PYM1: variants seen among roughly 807,000 people sequenced by gnomAD.
PYM1 encodes partner of Y14 and mago.
PYM1 carries 7 observed loss-of-function variants against 20.7 expected under a neutral mutation model. The ratio of observed to expected loss-of-function variants is 0.34; its 90% CI spans 0.19 to 0.64. The LOEUF is 0.64. Ranked by LOEUF, PYM1 falls within the 30% of genes least tolerant of loss-of-function variation. PYM1 has a pLI of 0.74. For synonymous variants in PYM1, 100 were observed against 99.2 expected (o/e 1.01, Z -0.05); for missense variants, 194 against 250.0 (o/e 0.78, Z 1.51).
intron 1 of PYM1, among the ~76,000 whole-genome samples, chr12:55,904,669 G>T (rs1350565936): frequency 2.0e-5 from 3 of 150,748 alleles, no homozygotes; most frequent in Non-Finnish European, 2.9e-5. Context: ...CCATCAAGTG[G>T]AGTTCGAGAC....
chr12:55,921,378 C>T (rs1565718411), intron 1 of PYM1, among the ~76,000 whole-genome samples: 1 of 151,878 alleles, frequency 6.6e-6, no homozygotes, highest in Non-Finnish European at 1.5e-5. Flanking sequence ...ATTCCCAAGG[C>T]TATATAGCTA....
chr12:55,904,987 A>ATATTTATTTATATTTATTTATT (rs1882767330), intron 1 of PYM1, among the ~76,000 whole-genome samples: 1 of 151,408 alleles, frequency 6.6e-6, no homozygotes, highest in Non-Finnish European at 1.5e-5. Context: ...TCATTATACA[A>ATATTTATTTATATTTATTTATT]TATTTATTTA....
At chr12:55,927,518 C>T in intron 1 of PYM1, 1 of 694,768 alleles carries the variant, frequency 1.4e-6, no homozygotes. Flanking sequence ...GCACCCAGAT[C>T]TCAGAGCGGC....
intron 1 of PYM1, 125 bp downstream of exon 1, chr12:55,927,600 C>T: frequency 7.9e-7 from 1 of 1,261,104 alleles, no homozygotes; most frequent in Non-Finnish European, 1.1e-6. Flanking sequence ...CGGTTGGAGA[C>T]CCTATCTAAC....
chr12:55,925,401 T>C (rs936255681), intron 1 of PYM1, among the ~76,000 whole-genome samples: 1 of 152,198 alleles, frequency 6.6e-6, no homozygotes, highest in Non-Finnish European at 1.5e-5. Flanking sequence ...AGCGGTGTCC[T>C]AGATGAGATC....
At chr12:55,904,971 T>C (rs1882766871) in intron 1 of PYM1, among the ~76,000 whole-genome samples, 1 of 151,942 alleles carries the variant, frequency 6.6e-6, no homozygotes, top group Non-Finnish European at 1.5e-5. Context: ...TTTTATAATA[T>C]GCATATCATT....
At chr12:55,926,546 C>T (rs777795364) in intron 1 of PYM1, among the ~76,000 whole-genome samples, 1 of 152,170 alleles carries the variant, frequency 6.6e-6, no homozygotes, top group Admixed American at 6.5e-5. Flanking sequence ...GTATTAGGGT[C>T]CTCTTCCCTT....
chr12:55,918,653 A>C (rs1883048712), intron 1 of PYM1, among the ~76,000 whole-genome samples: 2 of 152,118 alleles, frequency 1.3e-5, no homozygotes, highest in Non-Finnish European at 2.9e-5. Context: ...GGATCACCTG[A>C]GGTCAGGAGT....
intron 1 of PYM1, among the ~76,000 whole-genome samples, chr12:55,912,945 C>T (rs1262700298): frequency 1.3e-5 from 2 of 150,336 alleles, no homozygotes; most frequent in Non-Finnish European, 3.0e-5. Context: ...GCCTGGGCAA[C>T]AAGAGCAAAA....
intron 1 of PYM1, among the ~76,000 whole-genome samples, chr12:55,918,364 T>C (rs541120700): frequency 1.1e-4 from 17 of 152,168 alleles, no homozygotes; most frequent in African/African-American, 4.1e-4. Flanking sequence ...CCTCCCAAAG[T>C]GCTGGGATTA....
At position 55,901,658 on chromosome 12, in the gene PYM1, G is replaced by A; in HGVS notation, c.*214C>T. On this transcript the variant is annotated 3_prime_UTR_variant, in exon 3 of 3. Transcript: ENST00000408946. Reference sequence around the variant, plus strand: ...GTAGTCACTGAGATTTTGAACACTGGGAATGGGAGGGGGAAAGTCCAAAAA... The same window carrying A: ...GTAGTCACTGAGATTTTGAACACTGAGAATGGGAGGGGGAAAGTCCAAAAA... 1 of 609,166 alleles carries A rather than the reference G, an allele frequency of 1.6e-6. No individual in the cohort carries two copies. The highest frequency in any genetic ancestry group is 3.0e-5 in the East Asian group (1 of 33,638). The allele number at this position is 609,166 out of a possible 1,614,324, so 37.7% of individuals were successfully genotyped here.
chr12:55,916,888 A>G (rs764013363), intron 1 of PYM1, among the ~76,000 whole-genome samples: 1 of 152,068 alleles, frequency 6.6e-6, no homozygotes, highest in Non-Finnish European at 1.5e-5. Flanking sequence ...AGGCAGGCAG[A>G]TCGCTTGCAT....
chr12:55,926,419 C>T (rs1243428445), intron 1 of PYM1, among the ~76,000 whole-genome samples: 1 of 152,182 alleles, frequency 6.6e-6, no homozygotes, highest in Admixed American at 6.5e-5. Flanking sequence ...CGGAGAAAAG[C>T]CACTAGATAC....
intron 1 of PYM1, among the ~76,000 whole-genome samples, chr12:55,910,747 T>C (rs938887341): frequency 6.6e-6 from 1 of 152,154 alleles, no homozygotes; most frequent in African/African-American, 2.4e-5. Context: ...CCTGGTTTTA[T>C]ATATTTTAGG....
At chr12:55,927,398 G>T (rs777198150) in intron 1 of PYM1, 2 of 713,940 alleles carry the variant, frequency 2.8e-6, no homozygotes, top group African/African-American at 3.5e-5. Flanking sequence ...CTCATCCCCA[G>T]GAACTCCTCG....
chr12:55,913,361 C>A (rs1882956733), intron 1 of PYM1, among the ~76,000 whole-genome samples: 1 of 152,080 alleles, frequency 6.6e-6, no homozygotes, highest in Non-Finnish European at 1.5e-5. Flanking sequence ...CAGGGAAGAG[C>A]AAGAATCCAG....
chr12:55,918,239 A>G (rs1353401103), intron 1 of PYM1, among the ~76,000 whole-genome samples: 1 of 151,764 alleles, frequency 6.6e-6, no homozygotes, highest in Non-Finnish European at 1.5e-5. Context: ...CTGGGACTAC[A>G]GGTGCCCGCC....
At chr12:55,909,701 G>A (rs1443795915) in intron 1 of PYM1, among the ~76,000 whole-genome samples, 1 of 151,966 alleles carries the variant, frequency 6.6e-6, no homozygotes, top group Non-Finnish European at 1.5e-5. Flanking sequence ...AGAGACTAAG[G>A]GCAGATACAT....
chr12:55,905,611 G>C (rs926651616), intron 1 of PYM1, among the ~76,000 whole-genome samples: 1 of 149,286 alleles, frequency 6.7e-6, no homozygotes. Context: ...CTGAGGCAGG[G>C]AGAACTGCTT....
Sources: allele counts gnomAD v4.1 joint callset (sites outside exome capture counted in the v4.1 genomes callset), GRCh38; gene constraint gnomAD v4.1.1; transcripts MANE v1.5; gene names NCBI Gene and HGNC (gene_info 2026-07-23, HGNC 2026-07-21).